The following XKR4 variants were observed in gnomAD, a reference collection of about 807,000 sequenced individuals.
XKR4 encodes the protein XK related 4.
Under a neutral mutation model 53.9 loss-of-function variants are expected in XKR4, and 12 were observed. That is an observed-to-expected ratio of 0.22 (90% CI 0.14 to 0.36). XKR4 has a LOEUF of 0.36. Ranked by LOEUF, XKR4 falls within the 10% of genes least tolerant of loss-of-function variation. The pLI, the probability that XKR4 is intolerant of heterozygous loss-of-function variation, is 1.00. For synonymous variants in XKR4, 354 were observed against 362.4 expected, an observed-to-expected ratio of 0.98 and a Z score of 0.26; for missense variants, 799 against 859.5, an observed-to-expected ratio of 0.93 and a Z score of 0.88.
At chr8:55,351,322 C>A (rs796702887) in intron 1 of XKR4, among the ~76,000 whole-genome samples, 27 of 152,250 alleles carry the variant, frequency 1.8e-4, no homozygotes, top group African/African-American at 5.8e-4. Flanking sequence ...ATGTGAAACT[C>A]TGTGAAACCT....
chr8:55,236,321 C>G (rs1330545047), intron 1 of XKR4, among the ~76,000 whole-genome samples: 1 of 152,188 alleles, frequency 6.6e-6, no homozygotes, highest in Non-Finnish European at 1.5e-5. Flanking sequence ...CAGTCCAGCC[C>G]TGGCCTGGAT....
chr8:55,416,777 C>A (rs181367600), intron 2 of XKR4, among the ~76,000 whole-genome samples: 1 of 152,148 alleles, frequency 6.6e-6, no homozygotes, highest in Non-Finnish European at 1.5e-5. Context: ...ATGTATTTTA[C>A]CTGATACCAC....
intron 1 of XKR4, among the ~76,000 whole-genome samples, chr8:55,313,237 T>TAA (rs1433002236): frequency 6.6e-6 from 1 of 152,206 alleles, no homozygotes; most frequent in Admixed American, 6.5e-5. Flanking sequence ...ACAACATTAC[T>TAA]ATCATGAGTA....
Position 55,357,924 on chromosome 8 carries a change from G to A in XKR4, c.1006+47G>A, listed in dbSNP as rs749666710. 120 of 1,567,574 alleles carry A rather than the reference G, an allele frequency of 7.7e-5. 1 individual carries two copies. The South Asian group carries it at 1.1e-3, about 14-fold the overall frequency. ...TCTGAATTTGGGGAAAGATTGACTG[G>A]CTACTTTTGTCACAATCCGAGGAAC... On this transcript the variant is annotated intron_variant, in intron 2 of 2. Transcript: ENST00000327381.
intron 2 of XKR4, among the ~76,000 whole-genome samples, chr8:55,425,660 A>T (rs1044972580): frequency 2.6e-5 from 4 of 152,130 alleles, no homozygotes; most frequent in Admixed American, 2.6e-4. Context: ...CACGTGAGAA[A>T]CCTGGGTGGT....
intron 2 of XKR4, among the ~76,000 whole-genome samples, chr8:55,413,174 A>T (rs1005489978): frequency 6.6e-6 from 1 of 152,228 alleles, no homozygotes; most frequent in Non-Finnish European, 1.5e-5. Context: ...AAATGAAGAC[A>T]AAGAAATTAG....
intron 2 of XKR4, among the ~76,000 whole-genome samples, chr8:55,436,765 C>A (rs1248451279): frequency 6.6e-6 from 1 of 152,168 alleles, no homozygotes; most frequent in African/African-American, 2.4e-5. Flanking sequence ...CTTGGAGCCT[C>A]CACTTCCCCT....
intron 2 of XKR4, among the ~76,000 whole-genome samples, chr8:55,447,997 C>T (rs1180846158): frequency 6.6e-6 from 1 of 152,222 alleles, no homozygotes; most frequent in African/African-American, 2.4e-5. Flanking sequence ...CCCCCACCCT[C>T]ACTCCTGAGA....
intron 1 of XKR4, among the ~76,000 whole-genome samples, chr8:55,314,497 G>A (rs900405228): frequency 3.3e-5 from 5 of 152,136 alleles, no homozygotes; most frequent in African/African-American, 1.2e-4. Context: ...GGAAACCGCC[G>A]TGCTGAGACA....
intron 1 of XKR4, among the ~76,000 whole-genome samples, chr8:55,336,041 C>CAAAAAAAAA (rs34885296): frequency 7.9e-5 from 9 of 113,684 alleles, no homozygotes; most frequent in African/African-American, 9.6e-5. Flanking sequence ...AACTCTATAC[C>CAAAAAAAAA]AAAAAAAAAA....
At chr8:55,146,100 A>G (rs1033168132) in intron 1 of XKR4, among the ~76,000 whole-genome samples, 1 of 152,236 alleles carries the variant, frequency 6.6e-6, no homozygotes, top group African/African-American at 2.4e-5. Context: ...ATGTGATCTA[A>G]GGCCACACTA....
intron 1 of XKR4, among the ~76,000 whole-genome samples, chr8:55,104,856 C>G (rs1816117511): frequency 6.6e-6 from 1 of 152,180 alleles, no homozygotes; most frequent in African/African-American, 2.4e-5. Flanking sequence ...TGATGCTCTT[C>G]AAGTATGATG....
intron 2 of XKR4, among the ~76,000 whole-genome samples, chr8:55,436,823 G>A (rs1805184003): frequency 6.6e-6 from 1 of 152,160 alleles, no homozygotes. Flanking sequence ...GACCTTTTGA[G>A]CTTCAAGAGT....
At chr8:55,518,176 C>T (rs540070217) in intron 2 of XKR4, among the ~76,000 whole-genome samples, 3 of 152,288 alleles carry the variant, frequency 2.0e-5, no homozygotes, top group Admixed American at 6.5e-5. Context: ...GGGATTTCCA[C>T]GAATTCTTGT....
chr8:55,513,645 C>G (rs35860540), intron 2 of XKR4, among the ~76,000 whole-genome samples: 371 of 152,314 alleles, frequency 2.4e-3, no homozygotes, highest in Non-Finnish European at 3.5e-3. Context: ...CCATACTCCA[C>G]CTTGTGTATA....
intron 2 of XKR4, among the ~76,000 whole-genome samples, chr8:55,481,689 C>A (rs140150853): frequency 0.34 from 51,803 of 151,118 alleles, 10,778 homozygotes; most frequent in African/African-American, 0.6. Flanking sequence ...GAACTCAAAT[C>A]AATTTACAAG....
intron 1 of XKR4, among the ~76,000 whole-genome samples, chr8:55,209,696 G>A (rs562408639): frequency 4.6e-5 from 7 of 152,182 alleles, no homozygotes; most frequent in Non-Finnish European, 1.0e-4. Flanking sequence ...GGCCAGGTGC[G>A]TGTTGCTGCA....
Position 55,530,165 on chromosome 8 carries a change from AAGGAAGGAAGGAAGG to A in XKR4, c.*5940_*5954del, listed in dbSNP as rs1273431440. On this transcript the variant is annotated 3_prime_UTR_variant, in exon 3 of 3. Coordinates refer to ENST00000327381, the MANE Select transcript of XKR4 (RefSeq NM_052898.2). ...GGAAGAAGGAAGGAAGGAAGGAAGG[AAGGAAGGAAGGAAGG>A]AAGGAAGGAAGGAAGGAAGGAAGGA... 2 of 130,690 alleles carry A rather than the reference AAGGAAGGAAGGAAGG, an allele frequency of 1.5e-5. No homozygotes were observed. Among genetic ancestry groups the A allele is most frequent in the African/African-American group, 6.5e-5 (2 of 30,710 alleles). 8.1% of individuals were successfully genotyped at this position (130,690 alleles called of 1,614,324 possible).
chr8:55,404,265 T>G lies in XKR4; in HGVS notation c.1006+46388T>G, dbSNP rs575795389. On this transcript the variant is annotated intron_variant, in intron 2 of 2. Transcript: ENST00000327381. Reference sequence around the variant, plus strand: ...GAGAGATAGGTAGATAGATGACAGATGACAGATAGATAGGTAGATAATAGA... The same window carrying G: ...GAGAGATAGGTAGATAGATGACAGAGGACAGATAGATAGGTAGATAATAGA... 5.3e-4 allele frequency among the ~76,000 whole-genome samples: 80 copies of G among 151,992 alleles called. 1 individual carries two copies. Among genetic ancestry groups the G allele is most frequent in the Non-Finnish European group, 1.0e-3 (68 of 67,960 alleles).
Sources: allele counts gnomAD v4.1 joint callset (sites outside exome capture counted in the v4.1 genomes callset), GRCh38; gene constraint gnomAD v4.1.1; transcripts MANE v1.5; gene names NCBI Gene and HGNC (gene_info 2026-07-23, HGNC 2026-07-21).